Variants in USP53 observed in about 807,000 individuals in gnomAD.
USP53 encodes ubiquitin carboxyl-terminal hydrolase 53.
USP53 carries 71 observed loss-of-function variants against 94.9 expected under a neutral mutation model. That is an observed-to-expected ratio of 0.75 (90% CI 0.62 to 0.91). The LOEUF is 0.91. Among genes scored for constraint, USP53 ranks in the 40% least tolerant of loss-of-function variants. The probability of loss-of-function intolerance (pLI) is 0.00; values close to 1 mark genes in which losing one functional copy is unlikely to be tolerated. For synonymous variants in USP53, 375 were observed against 422.7 expected (o/e 0.89, Z 1.39); for missense variants, 1,173 against 1,281.0 (o/e 0.92, Z 1.29).
chr4:119,282,603 A>G (rs1753627816), intron 17 of USP53, among the ~76,000 whole-genome samples: 1 of 152,042 alleles, frequency 6.6e-6, no homozygotes, highest in Non-Finnish European at 1.5e-5. Context: ...AAAGCCTACT[A>G]CGGTTCTCTA....
At chr4:119,222,840 C>G (rs1744730255) in intron 3 of USP53, among the ~76,000 whole-genome samples, 1 of 151,744 alleles carries the variant, frequency 6.6e-6, no homozygotes, top group Non-Finnish European at 1.5e-5. Flanking sequence ...TTGCATTGCT[C>G]TTTTTTCTCC....
At chr4:119,281,429 A>T (rs1350044720) in intron 17 of USP53, among the ~76,000 whole-genome samples, 1 of 152,176 alleles carries the variant, frequency 6.6e-6, no homozygotes, top group Non-Finnish European at 1.5e-5. Flanking sequence ...CAGTTTGCAG[A>T]CAAAGAATGT....
chr4:119,280,753 C>T (rs1224624098), intron 17 of USP53, among the ~76,000 whole-genome samples: 6 of 152,178 alleles, frequency 3.9e-5, no homozygotes, highest in Non-Finnish European at 5.9e-5. Flanking sequence ...CAATACAAGT[C>T]CAGAGGTGGT....
chr4:119,285,962 A>T (rs1754058368), intron 17 of USP53, among the ~76,000 whole-genome samples: 1 of 151,914 alleles, frequency 6.6e-6, no homozygotes, highest in African/African-American at 2.4e-5. Context: ...CCTTTAAATT[A>T]TAATCCAAGT....
At chr4:119,280,107 G>A (rs996201510) in intron 17 of USP53, among the ~76,000 whole-genome samples, 9 of 152,136 alleles carry the variant, frequency 5.9e-5, no homozygotes, top group Non-Finnish European at 8.8e-5. Flanking sequence ...GTTCCTATTC[G>A]GCCATCTTGG....
Position 119,212,734 on chromosome 4 carries a change from CT to C in USP53, c.-1080del, listed in dbSNP as rs1743019151. ...CTCCAGTTCCCGGTGAGCCTCGGTA[CT>C]GTGGCAGCAGTCAGTGTGTCTGGCG... On this transcript the variant is annotated 5_prime_UTR_variant, in exon 1 of 19. Transcript: ENST00000692078. The C allele has an allele frequency of 5.9e-6, 2 of 338,634 alleles. No homozygotes were observed. Among genetic ancestry groups the C allele is most frequent in the African/African-American group, 4.3e-5 (2 of 46,510 alleles). The allele number at this position is 338,634 out of a possible 1,614,324, so 21.0% of individuals were successfully genotyped here.
At chr4:119,242,465 C>T (rs1408507878) in intron 5 of USP53, among the ~76,000 whole-genome samples, 1 of 152,190 alleles carries the variant, frequency 6.6e-6, no homozygotes, top group Non-Finnish European at 1.5e-5. Flanking sequence ...CAGGAATAGG[C>T]ACCATCTTGG....
chr4:119,254,230 T>C (rs960177722), intron 7 of USP53, among the ~76,000 whole-genome samples: 12 of 152,322 alleles, frequency 7.9e-5, no homozygotes, highest in Admixed American at 5.9e-4. Context: ...ATCTTTGTGG[T>C]GTTCTCTGTA....
chr4:119,292,529 A>G lies in USP53; in HGVS notation c.2540A>G (p.Asn847Ser). Residue 847 changes from asparagine to serine, a missense_variant, in exon 19 of 19, where the codon AAC (asparagine) becomes AGC (serine). By Grantham distance (46) the Asn-to-Ser change is conservative. Coordinates refer to ENST00000692078, the MANE Select transcript of USP53 (RefSeq NM_001371395.1). The stretch of plus-strand genomic sequence containing the variant: ...ACAGGTTTGCCTTTTCACGTTGATA[A>G]CTCTGCTTCTGGGAAGAGAGTGAAC... ...ERTGLPFHVD[N>S]SASGKRVNSN... The G allele has an allele frequency of 6.2e-7, 1 of 1,613,932 alleles. No homozygotes were observed. Among genetic ancestry groups the G allele is most frequent in the Non-Finnish European group, 8.5e-7 (1 of 1,179,908 alleles).
intron 17 of USP53, among the ~76,000 whole-genome samples, chr4:119,275,556 G>T (rs1482774794): frequency 2.0e-5 from 3 of 148,898 alleles, no homozygotes; most frequent in Non-Finnish European, 3.0e-5. Context: ...TGTTCTTTTG[G>T]CTTAGGATTG....
intron 7 of USP53, 94 bp downstream of exon 7, chr4:119,248,976 A>G: frequency 6.7e-7 from 1 of 1,503,206 alleles, no homozygotes; most frequent in Non-Finnish European, 9.0e-7. Flanking sequence ...AAAATTTAGA[A>G]CAATAGAAAA....
In USP53 at chr4:119,273,631, G is replaced by T. The variant is rs1481746802; in HGVS notation, c.2175-1G>T. ...TGTTTAGTGTGTATTTTATTTTCTA[G>T]TGACCAGATTACGACAAGCAACCTA... is the stretch of plus-strand genomic sequence containing the variant. On this transcript the variant is annotated splice_acceptor_variant, in intron 16 of 18. Transcript: ENST00000692078. LOFTEE classifies it high-confidence loss of function. The T allele has an allele frequency of 1.9e-6, 3 of 1,611,538 alleles. No individual in the cohort carries two copies. The highest frequency in any genetic ancestry group is 2.5e-6 in the Non-Finnish European group (3 of 1,178,524).
chr4:119,230,408 C>T (rs1462178759), intron 3 of USP53, among the ~76,000 whole-genome samples: 1 of 152,140 alleles, frequency 6.6e-6, no homozygotes, highest in Non-Finnish European at 1.5e-5. Flanking sequence ...CCTTCCCTGC[C>T]AGGGCTTCGG....
chr4:119,272,938 A>G (rs1752063822), intron 16 of USP53: 1 of 152,206 alleles, frequency 6.6e-6, no homozygotes, highest in South Asian at 2.1e-4. Context: ...CTGATATTTG[A>G]CCACATTTGT....
chr4:119,270,068 TA>T (rs1751659436), intron 15 of USP53, among the ~76,000 whole-genome samples: 1 of 148,244 alleles, frequency 6.7e-6, no homozygotes, highest in Admixed American at 6.8e-5. Context: ...AGTTTATATA[TA>T]GAAATTAAAT....
chr4:119,255,558 G>T (rs1379116095), intron 7 of USP53, among the ~76,000 whole-genome samples: 2 of 152,238 alleles, frequency 1.3e-5, no homozygotes, highest in African/African-American at 2.4e-5. Context: ...GCTGAGCCAG[G>T]CACGGGAGGG....
intron 7 of USP53, among the ~76,000 whole-genome samples, chr4:119,255,542 G>A (rs1041535579): frequency 3.3e-5 from 5 of 152,186 alleles, no homozygotes; most frequent in East Asian, 1.9e-4. Context: ...CGTGGGTGTC[G>A]GACCCGCTGA....
chr4:119,272,811 T>TATAAAAATATAAAA (rs1393876141), intron 16 of USP53: 1 of 152,202 alleles, frequency 6.6e-6, no homozygotes, highest in Non-Finnish European at 1.5e-5. Flanking sequence ...GGAAGAGATA[T>TATAAAAATATAAAA]TTTCCCTTTA....
At chr4:119,270,922 T>A (rs1254817552) in intron 15 of USP53, among the ~76,000 whole-genome samples, 1 of 143,346 alleles carries the variant, frequency 7.0e-6, no homozygotes, top group Non-Finnish European at 1.6e-5. Flanking sequence ...CAACAATGAT[T>A]GGATGTCTGT....
Sources: allele counts gnomAD v4.1 joint callset (sites outside exome capture counted in the v4.1 genomes callset), GRCh38; gene constraint gnomAD v4.1.1; transcripts MANE v1.5; gene names NCBI Gene and HGNC (gene_info 2026-07-23, HGNC 2026-07-21).